ZNF722: variants seen among roughly 807,000 people sequenced by gnomAD.
ZNF722 encodes the protein zinc finger protein 479 pseudogene.
the ZNF722 span, among the ~76,000 whole-genome samples, chr7:64,016,747 A>T: frequency 6.6e-6 from 1 of 152,180 alleles, no homozygotes; most frequent in African/African-American, 2.4e-5. Context: ...AATTAAAAAA[A>T]TTTTATACTG....
chr7:64,005,744 G>A, the ZNF722 span: 75 of 1,548,598 alleles, frequency 4.8e-5, no homozygotes, highest in Non-Finnish European at 6.1e-5. Context: ...CCTGGGTGAG[G>A]AAAACTTCAA....
the ZNF722 span, chr7:64,015,899 G>T: frequency 6.5e-7 from 1 of 1,544,532 alleles, no homozygotes; most frequent in Non-Finnish European, 8.9e-7. Context: ...ATACTGGAGA[G>T]AAACCCTACA....
chr7:64,017,273 A>G, the ZNF722 span, among the ~76,000 whole-genome samples: 1 of 152,182 alleles, frequency 6.6e-6, no homozygotes, highest in African/African-American at 2.4e-5. Flanking sequence ...AATCCCAGCT[A>G]CTTGGGAGGC....
the ZNF722 span, among the ~76,000 whole-genome samples, chr7:64,017,984 A>G: frequency 1.3e-5 from 2 of 152,210 alleles, no homozygotes; most frequent in East Asian, 1.9e-4. Flanking sequence ...TGCATCAGAG[A>G]TATAAGAGAT....
At chr7:64,004,192 G>A in the ZNF722 span, among the ~76,000 whole-genome samples, 1 of 151,136 alleles carries the variant, frequency 6.6e-6, no homozygotes, top group Non-Finnish European at 1.5e-5. Flanking sequence ...TGTGAGGTCA[G>A]GAGTTCGAGG....
the ZNF722 span, chr7:64,015,612 A>G: frequency 6.2e-7 from 1 of 1,613,754 alleles, no homozygotes; most frequent in Non-Finnish European, 8.5e-7. Flanking sequence ...GCGCTCCTCA[A>G]CACTTACTAA....
chr7:64,000,427 A>G, the ZNF722 span, among the ~76,000 whole-genome samples: 2 of 98,264 alleles, frequency 2.0e-5, no homozygotes, highest in Non-Finnish European at 3.7e-5. Flanking sequence ...GTGAGCCACC[A>G]TGCCCGGCCT....
At chr7:64,000,748 G>C in the ZNF722 span, among the ~76,000 whole-genome samples, 3 of 151,750 alleles carry the variant, frequency 2.0e-5, no homozygotes, top group African/African-American at 7.3e-5. Flanking sequence ...ATCACACCCA[G>C]CCTGCATTTT....
chr7:64,007,099 A>C, the ZNF722 span, among the ~76,000 whole-genome samples: 1 of 151,568 alleles, frequency 6.6e-6, no homozygotes, highest in Admixed American at 6.6e-5. Flanking sequence ...TTTTGAAAAA[A>C]TGTATAGTGG....
the ZNF722 span, among the ~76,000 whole-genome samples, chr7:64,013,381 A>G: frequency 6.6e-6 from 1 of 152,094 alleles, no homozygotes; most frequent in South Asian, 2.1e-4. Context: ...TCATTTTACC[A>G]TTATATAATA....
At chr7:64,000,432 C>T in the ZNF722 span, among the ~76,000 whole-genome samples, 5 of 47,576 alleles carry the variant, frequency 1.1e-4, no homozygotes, top group South Asian at 5.9e-4. Flanking sequence ...CCACCATGCC[C>T]GGCCTTTTTT....
At chr7:63,999,654 G>C in the ZNF722 span, among the ~76,000 whole-genome samples, 2 of 152,086 alleles carry the variant, frequency 1.3e-5, no homozygotes, top group African/African-American at 2.4e-5. Context: ...TGGTTGACTA[G>C]GCCTGAATTT....
chr7:63,999,053 T>G, the ZNF722 span: 3 of 1,549,440 alleles, frequency 1.9e-6, no homozygotes, highest in Non-Finnish European at 2.7e-6. Context: ...TGGAACCGGC[T>G]GAAAGTGGCT....
At chr7:64,000,436 C>CGTTT in the ZNF722 span, among the ~76,000 whole-genome samples, 1 of 23,674 alleles carries the variant, frequency 4.2e-5, no homozygotes, top group Admixed American at 8.7e-4. Flanking sequence ...CATGCCCGGC[C>CGTTT]TTTTTTTTTT....
the ZNF722 span, among the ~76,000 whole-genome samples, chr7:64,012,271 C>G: frequency 6.6e-6 from 1 of 152,170 alleles, no homozygotes; most frequent in African/African-American, 2.4e-5. Flanking sequence ...AAGCCTACTT[C>G]TGTCAACTCG....
chr7:64,008,349 T>G, the ZNF722 span, among the ~76,000 whole-genome samples: 1 of 152,256 alleles, frequency 6.6e-6, no homozygotes, highest in South Asian at 2.1e-4. Flanking sequence ...ATTGCCTAGG[T>G]TTTCTTCTAG....
chr7:64,005,491 T>C, the ZNF722 span: 8 of 597,664 alleles, frequency 1.3e-5, no homozygotes, highest in Admixed American at 2.5e-4. Context: ...GTCAGTCTTA[T>C]AAGTGAGAAC....
At chr7:64,012,447 G>A in the ZNF722 span, among the ~76,000 whole-genome samples, 1 of 152,164 alleles carries the variant, frequency 6.6e-6, no homozygotes, top group Non-Finnish European at 1.5e-5. Flanking sequence ...GTGACCTACA[G>A]ATGGGGTTTT....
chr7:64,001,204 T>C, the ZNF722 span, among the ~76,000 whole-genome samples: 1 of 152,212 alleles, frequency 6.6e-6, no homozygotes, highest in African/African-American at 2.4e-5. Flanking sequence ...AAGCATAGTA[T>C]CCAACAGATT....
Sources: allele counts gnomAD v4.1 joint callset (sites outside exome capture counted in the v4.1 genomes callset), GRCh38; gene constraint gnomAD v4.1.1; transcripts MANE v1.5; gene names NCBI Gene and HGNC (gene_info 2026-07-23, HGNC 2026-07-21).